Variants in TAFA1 observed in about 807,000 individuals in gnomAD.
TAFA1 encodes TAFA chemokine like family member 1.
Under a neutral mutation model 18.5 loss-of-function variants are expected in TAFA1, and 4 were observed. That is an observed-to-expected ratio of 0.22 (90% CI 0.11 to 0.49). The LOEUF is 0.49. Ranked by LOEUF, TAFA1 falls within the 20% of genes least tolerant of loss-of-function variation. TAFA1 has a pLI of 0.98. For synonymous variants in TAFA1, 56 were observed against 55.2 expected, an observed-to-expected ratio of 1.01 and a Z score of -0.06; for missense variants, 147 against 169.0, an observed-to-expected ratio of 0.87 and a Z score of 0.72.
At chr3:68,409,423 C>T (rs1050816991) in intron 2 of TAFA1, among the ~76,000 whole-genome samples, 1 of 151,994 alleles carries the variant, frequency 6.6e-6, no homozygotes, top group Non-Finnish European at 1.5e-5. Context: ...CCATGCTGTT[C>T]TCATGATGGT....
At chr3:68,238,175 G>C (rs572218595) in intron 2 of TAFA1, among the ~76,000 whole-genome samples, 2 of 152,090 alleles carry the variant, frequency 1.3e-5, no homozygotes, top group African/African-American at 2.4e-5. Flanking sequence ...CACCCGTTGA[G>C]ACACAGCCCT....
chr3:68,451,143 A>T (rs1199866053), intron 3 of TAFA1, among the ~76,000 whole-genome samples: 1 of 152,174 alleles, frequency 6.6e-6, no homozygotes, highest in Non-Finnish European at 1.5e-5. Context: ...CCGTTGTCCC[A>T]ATATCCAGGC....
At position 68,006,678 on chromosome 3, in the gene TAFA1, T is replaced by G. The variant is rs1160212613; in HGVS notation, c.52T>G (p.Cys18Gly). Residue 18 changes from cysteine (C) to glycine (G), a missense_variant, in exon 2 of 5, where the codon TGT becomes GGT. Transcript: ENST00000478136. ...GGTCCTGTATTTGTGGATAAGTGCT[T>G]GTGCAATGCTACTCTGCCATGGATC... is the stretch of plus-strand genomic sequence containing the variant. The part of the protein sequence containing the change: ...SWVLYLWISA[C>G]AMLLCHGSLQ... The G allele has an allele frequency of 6.2e-7, 1 of 1,614,008 alleles. No individual in the cohort carries two copies. The highest frequency in any genetic ancestry group is 1.7e-5 in the Admixed American group (1 of 60,028).
At chr3:68,237,085 T>C (rs1032565868) in intron 2 of TAFA1, among the ~76,000 whole-genome samples, 1 of 152,246 alleles carries the variant, frequency 6.6e-6, no homozygotes, top group African/African-American at 2.4e-5. Flanking sequence ...CAGGCTGCTA[T>C]AACCAAATAC....
At chr3:68,315,292 C>G (rs1021829075) in intron 2 of TAFA1, among the ~76,000 whole-genome samples, 29 of 152,052 alleles carry the variant, frequency 1.9e-4, no homozygotes, top group African/African-American at 5.8e-4. Flanking sequence ...GCTTAGTTAC[C>G]AAGTACATGC....
intron 2 of TAFA1, among the ~76,000 whole-genome samples, chr3:68,231,667 T>C (rs543694197): frequency 1.3e-3 from 196 of 152,310 alleles, no homozygotes; most frequent in Non-Finnish European, 2.3e-3. Context: ...GCCAATCTAT[T>C]TGATTTTTGC....
chr3:68,248,556 C>T (rs1346636224), intron 2 of TAFA1, among the ~76,000 whole-genome samples: 3 of 151,948 alleles, frequency 2.0e-5, no homozygotes, highest in South Asian at 2.1e-4. Context: ...AGACAATGTA[C>T]GGTAAATGCA....
chr3:68,528,000 G>A (rs2073131860), intron 3 of TAFA1, among the ~76,000 whole-genome samples: 1 of 152,068 alleles, frequency 6.6e-6, no homozygotes, highest in African/African-American at 2.4e-5. Flanking sequence ...CTTCATGTAT[G>A]TCTTTGAAAT....
chr3:68,216,700 A>C (rs2066662134), intron 2 of TAFA1, among the ~76,000 whole-genome samples: 1 of 152,116 alleles, frequency 6.6e-6, no homozygotes, highest in Admixed American at 6.6e-5. Context: ...CAGGAAATAC[A>C]TAAGATGAGT....
At chr3:68,445,501 T>C (rs2071460162) in intron 3 of TAFA1, among the ~76,000 whole-genome samples, 1 of 152,182 alleles carries the variant, frequency 6.6e-6, no homozygotes, top group African/African-American at 2.4e-5. Context: ...GATATTTATA[T>C]TGAACAAATA....
chr3:68,528,520 A>G lies in TAFA1; in HGVS notation c.260-10236A>G, dbSNP rs187417866. ...TTTCCTGTTTGCTTTGATAAAGACA[A>G]TAACACACTGGGAGTCACTACAGGT... On this transcript the variant is annotated intron_variant, in intron 3 of 4. Coordinates refer to ENST00000478136, the MANE Select transcript of TAFA1 (RefSeq NM_213609.4). Among the ~76,000 whole-genome samples the G allele has an allele frequency of 8.9e-4, 135 of 152,322 alleles. No individual in the cohort carries two copies. The East Asian group carries it at 0.025, about 29-fold the overall frequency.
At chr3:68,538,619 C>A (rs988392264) in intron 3 of TAFA1, 137 bp from the exon 4 acceptor site, 1 of 719,070 alleles carries the variant, frequency 1.4e-6, no homozygotes, top group Non-Finnish European at 2.3e-6. Flanking sequence ...TTTAATAGAG[C>A]TTTCTTAGCT....
chr3:68,380,206 T>C (rs973308879), intron 2 of TAFA1, among the ~76,000 whole-genome samples: 1 of 152,202 alleles, frequency 6.6e-6, no homozygotes, highest in Non-Finnish European at 1.5e-5. Context: ...TTTGCTATTG[T>C]GAATACTGCC....
chr3:68,212,239 A>T (rs1437377630), intron 2 of TAFA1, among the ~76,000 whole-genome samples: 3 of 151,836 alleles, frequency 2.0e-5, no homozygotes, highest in Non-Finnish European at 4.4e-5. Context: ...CCCGAAAAAA[A>T]AAAAATTAGT....
intron 2 of TAFA1, among the ~76,000 whole-genome samples, chr3:68,016,287 A>G (rs1480907206): frequency 6.6e-6 from 1 of 152,210 alleles, no homozygotes; most frequent in Non-Finnish European, 1.5e-5. Flanking sequence ...ATAACGATGA[A>G]TGGCTTATAC....
rs540088024 is a variant in TAFA1, at chr3:68,462,755, A to G, written c.259+45335A>G. Among the ~76,000 whole-genome samples the G allele has an allele frequency of 1.4e-3, 210 of 152,236 alleles. 1 individual carries two copies. Among genetic ancestry groups the G allele is most frequent in the African/African-American group, 4.7e-3 (196 of 41,560 alleles). ...AATATGCTGTTTTATGTTACGTGGA[A>G]TTATCTCCTTTGATAGTAACCAGGC... On this transcript the variant is annotated intron_variant, in intron 3 of 4. Coordinates refer to ENST00000478136, the MANE Select transcript of TAFA1 (RefSeq NM_213609.4).
At chr3:68,133,298 C>G (rs552716510) in intron 2 of TAFA1, among the ~76,000 whole-genome samples, 10 of 152,224 alleles carry the variant, frequency 6.6e-5, no homozygotes, top group Admixed American at 3.9e-4. Context: ...AGTCAGGTAG[C>G]ATGATGCTTC....
At chr3:68,319,416 G>A (rs758586308) in intron 2 of TAFA1, among the ~76,000 whole-genome samples, 3 of 151,924 alleles carry the variant, frequency 2.0e-5, no homozygotes, top group Non-Finnish European at 2.9e-5. Flanking sequence ...GGTTGGGGGT[G>A]GCAGGGAAGA....
At chr3:67,996,412 G>T in the TAFA1 span, among the ~76,000 whole-genome samples, 1 of 152,160 alleles carries the variant, frequency 6.6e-6, no homozygotes, top group African/African-American at 2.4e-5. Flanking sequence ...TCTGAAATCA[G>T]GGGGGATAAA....
Sources: gnomAD v4.1 joint callset for allele counts (sites outside exome capture counted in the v4.1 genomes callset) on GRCh38, gnomAD v4.1.1 for gene constraint, MANE v1.5 for transcripts, NCBI Gene and HGNC (gene_info 2026-07-23, HGNC 2026-07-21) for gene names.